The following XRN1 variants were observed in gnomAD, a reference collection of about 807,000 sequenced individuals.
The protein encoded by XRN1 is 5'-3' exoribonuclease 1, also known as strand-exchange protein 1 homolog.
Under a neutral mutation model 222.3 loss-of-function variants are expected in XRN1, and 67 were observed. That is an observed-to-expected ratio of 0.30 (90% CI 0.25 to 0.37). XRN1 has a LOEUF of 0.37. XRN1 is among the 10% of genes least tolerant of loss of function. The pLI, the probability that XRN1 is intolerant of heterozygous loss-of-function variation, is 1.00. For synonymous variants in XRN1, 643 were observed against 652.4 expected (o/e 0.99, Z 0.22); for missense variants, 1,707 against 2,000.2 (o/e 0.85, Z 2.80).
chr3:142,341,169 T>A (rs899374537), intron 33 of XRN1, among the ~76,000 whole-genome samples: 1 of 152,170 alleles, frequency 6.6e-6, no homozygotes, highest in Non-Finnish European at 1.5e-5. Context: ...AGTTAAATTA[T>A]AGATTTTTTA....
chr3:142,329,678 A>AT, intron 36 of XRN1, 63 bp from the exon 37 acceptor site: 5 of 1,461,716 alleles, frequency 3.4e-6, no homozygotes, highest in Non-Finnish European at 4.5e-6. Flanking sequence ...TTATGCACTT[A>AT]TTGTAGGGTT....
intron 27 of XRN1, among the ~76,000 whole-genome samples, chr3:142,365,609 A>G (rs2066790039): frequency 6.6e-6 from 1 of 152,130 alleles, no homozygotes; most frequent in South Asian, 2.1e-4. Flanking sequence ...CAGCATGGGG[A>G]GGAAAATGCA....
At chr3:142,381,563 CTTTTTTTTTT>C (rs766961502) in intron 22 of XRN1, among the ~76,000 whole-genome samples, 36 of 84,218 alleles carry the variant, frequency 4.3e-4, no homozygotes, top group African/African-American at 1.5e-3. Context: ...TAAGTTATTG[CTTTTTTTTTT>C]TTTTTTTTTT....
intron 22 of XRN1, among the ~76,000 whole-genome samples, chr3:142,382,868 T>G (rs1480674841): frequency 6.6e-6 from 1 of 152,176 alleles, no homozygotes; most frequent in Non-Finnish European, 1.5e-5. Flanking sequence ...TACTTCCAAA[T>G]CTGTCCCTAT....
intron 19 of XRN1, among the ~76,000 whole-genome samples, chr3:142,400,163 A>C (rs2068074560): frequency 6.6e-6 from 1 of 152,218 alleles, no homozygotes; most frequent in Admixed American, 6.5e-5. Flanking sequence ...TTTGCTAAGT[A>C]ATATAATGAT....
intron 27 of XRN1, 118 bp downstream of exon 27, chr3:142,370,367 C>T (rs2066951997): frequency 8.0e-7 from 1 of 1,249,600 alleles, no homozygotes; most frequent in Non-Finnish European, 1.1e-6. Flanking sequence ...TTATTTGATA[C>T]TAATTAGAAT....
At chr3:142,365,502 A>C (rs2107864787) in intron 27 of XRN1, 136 bp from the exon 28 acceptor site, 1 of 565,682 alleles carries the variant, frequency 1.8e-6, no homozygotes, top group South Asian at 5.6e-5. Context: ...AAAGTTCTGC[A>C]GCTGCAGCAA....
intron 1 of XRN1, among the ~76,000 whole-genome samples, chr3:142,435,723 C>T (rs187212065): frequency 1.2e-4 from 18 of 147,712 alleles, no homozygotes; most frequent in African/African-American, 4.6e-4. Flanking sequence ...TGCCACTGCA[C>T]TCCAGCCTTG....
chr3:142,371,036 T>A (rs2066974383), intron 26 of XRN1, among the ~76,000 whole-genome samples: 1 of 150,686 alleles, frequency 6.6e-6, no homozygotes, highest in Admixed American at 6.7e-5. Flanking sequence ...CTCAGGAGGC[T>A]GAGGTAGGAG....
Position 142,421,142 on chromosome 3 carries a change from C to T in XRN1, c.1047G>A (p.Glu349=), listed in dbSNP as rs1350735052. Residue 349 remains glutamate (E), a synonymous_variant, in exon 10 of 41, where the codon GAG becomes GAA. Coordinates refer to ENST00000392981, the MANE Select transcript of XRN1 (RefSeq NM_001282857.2). ...YLVKLSDFDR[E]HFSEVFVDLK... ...GGTCCACAAAAACTTCACTGAAGTG[C>T]TCCCGATCAAACTGTACAGAAATAT... is the stretch of plus-strand genomic sequence containing the variant. 2 of 1,612,326 alleles carry T rather than the reference C, an allele frequency of 1.2e-6. No individual in the cohort carries two copies. The highest frequency in any genetic ancestry group is 8.5e-7 in the Non-Finnish European group (1 of 1,179,314).
chr3:142,386,589 C>T (rs538231352), intron 20 of XRN1, among the ~76,000 whole-genome samples: 43 of 151,834 alleles, frequency 2.8e-4, no homozygotes, highest in Non-Finnish European at 5.3e-4. Context: ...CTTAGTTTTC[C>T]CCTGAAATTG....
intron 27 of XRN1, among the ~76,000 whole-genome samples, chr3:142,366,937 T>C (rs936535711): frequency 2.0e-5 from 3 of 152,172 alleles, no homozygotes; most frequent in Non-Finnish European, 4.4e-5. Context: ...ATATCTAATG[T>C]ATGAGAAGTT....
At chr3:142,434,600 TA>T (rs1195966015) in intron 1 of XRN1, among the ~76,000 whole-genome samples, 1 of 151,074 alleles carries the variant, frequency 6.6e-6, no homozygotes, top group Non-Finnish European at 1.5e-5. Flanking sequence ...AGAAGAGTAT[TA>T]AAAAGAAGAA....
chr3:142,398,739 A>G (rs920021526), intron 19 of XRN1, among the ~76,000 whole-genome samples: 3 of 152,210 alleles, frequency 2.0e-5, no homozygotes, highest in African/African-American at 7.2e-5. Flanking sequence ...TCTAGCTTAC[A>G]GGAAATATGT....
chr3:142,325,175 G>A (rs559821291), intron 37 of XRN1, among the ~76,000 whole-genome samples: 13 of 152,060 alleles, frequency 8.5e-5, no homozygotes, highest in South Asian at 2.1e-4. Context: ...ACTAATTTAC[G>A]TTTCCACCAA....
In XRN1 at chr3:142,423,639, T is replaced by C. The variant is rs757571146; in HGVS notation, c.631A>G (p.Met211Val). 2 of 1,575,934 alleles carry C rather than the reference T, an allele frequency of 1.3e-6. No homozygotes were observed. The highest frequency in any genetic ancestry group is 1.4e-5 in the African/African-American group (1 of 72,972). ...GCCTCATGACTTGTTAATCCAAGCA[T>C]AATCTGTTGAAAAATGATTAAGAAA... ...CLYGLDADLIMLGLTSHEAHF... is the reference protein window; with the variant it reads ...CLYGLDADLIVLGLTSHEAHF... Residue 211 changes from methionine to valine, a missense_variant, in exon 6 of 41, where the codon ATG becomes GTG. Physicochemically the swap from Met to Val is conservative, Grantham distance 21. This residue lies in a region of XRN1 where 1,234 missense variants were observed against 1,518.2 expected (regional missense o/e 0.81). Transcript: ENST00000392981.
Position 142,312,751 on chromosome 3 carries a change from T to C in XRN1, c.4629A>G (p.Ile1543Met). The C allele has an allele frequency of 6.2e-7, 1 of 1,604,226 alleles. No homozygotes were observed. The highest frequency in any genetic ancestry group is 8.5e-7 in the Non-Finnish European group (1 of 1,176,146). ...PPAFPPPTAN[I>M]MPSSSHLFGS... The stretch of plus-strand genomic sequence containing the variant: ...CAAAGAGATGAGACGACGAAGGCAT[T>C]ATATTAGCTGTTAAAAACCAAGGAA... Residue 1543 changes from isoleucine to methionine, a missense_variant, in exon 40 of 41, where the codon ATA (isoleucine) becomes ATG (methionine). Coordinates refer to ENST00000392981, the MANE Select transcript of XRN1 (RefSeq NM_001282857.2).
intron 20 of XRN1, among the ~76,000 whole-genome samples, chr3:142,393,025 T>C (rs1264817817): frequency 2.0e-5 from 3 of 151,612 alleles, no homozygotes; most frequent in African/African-American, 7.3e-5. Flanking sequence ...TTCTAACTGG[T>C]GTGAGATGGT....
At chr3:142,443,012 C>T (rs1290516130) in intron 1 of XRN1, among the ~76,000 whole-genome samples, 2 of 152,136 alleles carry the variant, frequency 1.3e-5, no homozygotes, top group African/African-American at 2.4e-5. Context: ...GGATTACAGG[C>T]GTGAGCCACC....
Sources: allele counts gnomAD v4.1 joint callset (sites outside exome capture counted in the v4.1 genomes callset), GRCh38; gene constraint gnomAD v4.1.1; regional missense constraint gnomAD v4.1.1; transcripts MANE v1.5; gene names NCBI Gene and HGNC (gene_info 2026-07-23, HGNC 2026-07-21).